DAB2IP: variants seen among roughly 807,000 people sequenced by gnomAD.
DAB2IP encodes the protein disabled homolog 2-interacting protein.
DAB2IP carries 28 observed loss-of-function variants against 107.2 expected under a neutral mutation model. That is an observed-to-expected ratio of 0.26 (90% CI 0.19 to 0.36). DAB2IP has a LOEUF of 0.36. Ranked by LOEUF, DAB2IP falls within the 10% of genes least tolerant of loss-of-function variation. The probability of loss-of-function intolerance (pLI) is 1.00; values close to 1 mark genes in which losing one functional copy is unlikely to be tolerated. For missense variants in DAB2IP, 1,400 were observed against 1,644.7 expected, an observed-to-expected ratio of 0.85 and a Z score of 2.57; for synonymous variants, 755 against 706.4, an observed-to-expected ratio of 1.07 and a Z score of -1.09.
At chr9:121,783,363 G>A in exon 16 of DAB2IP, 1 of 1,496,376 alleles carries the variant, frequency 6.7e-7, no homozygotes, top group South Asian at 1.3e-5. Context: ...CACTGTATCT[G>A]CCTTCTCCTG....
intron 1 of DAB2IP, among the ~76,000 whole-genome samples, chr9:121,580,725 C>T (rs960847036): frequency 6.6e-6 from 1 of 152,074 alleles, no homozygotes; most frequent in Non-Finnish European, 1.5e-5. Flanking sequence ...CTCAGGTTCA[C>T]GCCATTCTCC....
In DAB2IP at chr9:121,719,947, G is replaced by A. The variant is rs112348712; in HGVS notation, c.362+20489G>A. ...CAGGTGTGGGGGCCACTAAGAGAGT[G>A]TATGGCCCACAAGGTTCATTGTTAG... On this transcript the variant is annotated intron_variant, in intron 3 of 15. Transcript: ENST00000408936. Among the ~76,000 whole-genome samples, 446 of 152,342 alleles carry A rather than the reference G, an allele frequency of 2.9e-3. 1 individual carries two copies. Among genetic ancestry groups the A allele is most frequent in the Non-Finnish European group, 4.9e-3 (330 of 68,032 alleles).
intron 6 of DAB2IP, among the ~76,000 whole-genome samples, chr9:121,761,488 C>T (rs1263702616): frequency 6.6e-6 from 1 of 152,206 alleles, no homozygotes; most frequent in Non-Finnish European, 1.5e-5. Context: ...GTCCAGGGCA[C>T]AAGACTCGTG....
intron 14 of DAB2IP, among the ~76,000 whole-genome samples, chr9:121,780,697 G>C (rs973467708): frequency 6.6e-6 from 1 of 152,218 alleles, no homozygotes; most frequent in South Asian, 2.1e-4. Flanking sequence ...GGGAAGGTGG[G>C]AGTGCCCAGC....
At chr9:121,580,108 A>G (rs769614522) in intron 1 of DAB2IP, among the ~76,000 whole-genome samples, 5 of 152,082 alleles carry the variant, frequency 3.3e-5, no homozygotes, top group Non-Finnish European at 5.9e-5. Flanking sequence ...CCCCTGCCCC[A>G]CCAGGTGACT....
At chr9:121,636,189 T>A (rs1342274689) in intron 1 of DAB2IP, among the ~76,000 whole-genome samples, 3 of 152,094 alleles carry the variant, frequency 2.0e-5, no homozygotes, top group Non-Finnish European at 4.4e-5. Flanking sequence ...ATTACAGGCG[T>A]GAGCCACGGT....
chr9:121,618,076 G>A (rs1029118536), intron 1 of DAB2IP, among the ~76,000 whole-genome samples: 1 of 152,142 alleles, frequency 6.6e-6, no homozygotes, highest in African/African-American at 2.4e-5. Flanking sequence ...CAAGACAGAA[G>A]GCCCCCCTCA....
intron 1 of DAB2IP, among the ~76,000 whole-genome samples, chr9:121,592,784 C>T (rs1173153344): frequency 1.3e-5 from 2 of 152,154 alleles, no homozygotes; most frequent in Non-Finnish European, 2.9e-5. Flanking sequence ...AGACACATCC[C>T]TTGGGGAAGG....
At chr9:121,610,933 G>A (rs939581270) in intron 1 of DAB2IP, among the ~76,000 whole-genome samples, 6 of 152,062 alleles carry the variant, frequency 3.9e-5, no homozygotes, top group Admixed American at 3.9e-4. Context: ...GCAGGGGCTC[G>A]CTAAGGGATT....
At chr9:121,676,062 A>C (rs1187173988) in intron 1 of DAB2IP, among the ~76,000 whole-genome samples, 1 of 152,236 alleles carries the variant, frequency 6.6e-6, no homozygotes, top group Non-Finnish European at 1.5e-5. Context: ...CCATGTGGGA[A>C]GGGAGCTTTT....
chr9:121,782,487 A>C lies in DAB2IP; in HGVS notation c.3559A>C (p.Ser1187Arg). The C allele has an allele frequency of 6.2e-7, 1 of 1,613,980 alleles. No individual in the cohort carries two copies. Among genetic ancestry groups the C allele is most frequent in the Non-Finnish European group, 8.5e-7 (1 of 1,179,888 alleles). ...TGAGAACGGCGAGTTCAGAAACAGC[A>C]GCAATTGTTAACCTGCCTGAGGAGG... is the stretch of plus-strand genomic sequence containing the variant. Residue 1187 changes from serine (S) to arginine (R), a missense_variant, in exon 16 of 16, where the codon AGC becomes CGC. By Grantham distance (110) the Ser-to-Arg change is moderately radical. Around this residue, in one of 3 missense-constraint regions of DAB2IP, gnomAD observed 600 missense variants for 659.1 expected, o/e 0.91. Coordinates refer to ENST00000408936, the Ensembl canonical transcript of DAB2IP. The surrounding 1 kb of genome is among the most constrained non-coding windows in gnomAD (Gnocchi z 6.1).
rs759044747 is a variant in DAB2IP, at chr9:121,635,771, C to T, written c.41-42907C>T. Among the ~76,000 whole-genome samples, 8 of 152,224 alleles carry T rather than the reference C, an allele frequency of 5.3e-5. No homozygotes were observed. Among genetic ancestry groups the T allele is most frequent in the Non-Finnish European group, 1.0e-4 (7 of 68,046 alleles). On this transcript the variant is annotated intron_variant, in intron 1 of 16. Coordinates refer to the DAB2IP transcript ENST00000259371. This position sits in a 1 kb window ranked among gnomAD's most constrained non-coding sequence, Gnocchi z 4.3. ...GGGAGCGGGTTTTGGCCCAGCCCCA[C>T]GCAGAGCCTTAAAGACGCAGCCATG...
At chr9:121,761,074 AC>A (rs574658971) in intron 6 of DAB2IP, among the ~76,000 whole-genome samples, 97 of 151,922 alleles carry the variant, frequency 6.4e-4, no homozygotes, top group Admixed American at 9.2e-4. Context: ...CATCTCCATG[AC>A]CCCTTTCACC....
At chr9:121,757,108 A>C in exon 4 of DAB2IP, 1 of 1,614,088 alleles carries the variant, frequency 6.2e-7, no homozygotes, top group South Asian at 1.1e-5. Flanking sequence ...AGCATGGAGG[A>C]AGAGGTGGTC....
chr9:121,681,848 T>C (rs1828619455), intron 2 of DAB2IP, among the ~76,000 whole-genome samples: 1 of 152,156 alleles, frequency 6.6e-6, no homozygotes, highest in Non-Finnish European at 1.5e-5. Context: ...CCACTGAGCC[T>C]CTCCGAGCCT....
Position 121,585,859 on chromosome 9 carries a change from T to A in DAB2IP, c.40+18631T>A, listed in dbSNP as rs868108363. On this transcript the variant is annotated intron_variant, in intron 1 of 16. Transcript: ENST00000259371. ...AGGGTTAGGGATTTAAAAAAAAAAATAGAATGGGTTAATGAATGAATGTAA... is the reference window on the plus strand; with the variant it reads ...AGGGTTAGGGATTTAAAAAAAAAAAAAGAATGGGTTAATGAATGAATGTAA... Among the ~76,000 whole-genome samples, 1,263 of 131,468 alleles carry A rather than the reference T, an allele frequency of 9.6e-3. 25 individuals are homozygous for A. The highest frequency in any genetic ancestry group is 0.035 in the African/African-American group (1,200 of 34,720). 86.2% of individuals were successfully genotyped at this position (131,468 alleles called of 152,430 possible).
Position 121,740,132 on chromosome 9 carries a change from C to A in DAB2IP, c.363-16881C>A, listed in dbSNP as rs79514747. 4.8e-3 allele frequency among the ~76,000 whole-genome samples: 728 copies of A among 152,182 alleles called. 7 individuals carry two copies. Among genetic ancestry groups the A allele is most frequent in the African/African-American group, 0.017 (695 of 41,488 alleles). ...AAGAAGTGCGTGAGGACCCAGCTGG[C>A]CCAGGATGTTGAGGAGGGGAGGGCC... On this transcript the variant is annotated intron_variant, in intron 3 of 15. Coordinates refer to ENST00000408936, the Ensembl canonical transcript of DAB2IP.
chr9:121,582,502 A>G (rs1178843024), intron 1 of DAB2IP, among the ~76,000 whole-genome samples: 2 of 151,876 alleles, frequency 1.3e-5, no homozygotes, highest in African/African-American at 4.8e-5. Context: ...TCTACATTGC[A>G]GGTCTGGCCC....
At chr9:121,579,694 T>C (rs946147390) in intron 1 of DAB2IP, among the ~76,000 whole-genome samples, 1 of 152,186 alleles carries the variant, frequency 6.6e-6, no homozygotes, top group Admixed American at 6.5e-5. Flanking sequence ...TCCATCGATC[T>C]GTCAGTCCAC....
Sources: allele counts gnomAD v4.1 joint callset (sites outside exome capture counted in the v4.1 genomes callset), GRCh38; gene constraint gnomAD v4.1.1; regional missense constraint gnomAD v4.1.1; non-coding constraint Gnocchi (gnomAD v3.1); transcripts MANE v1.5; gene names NCBI Gene and HGNC (gene_info 2026-07-23, HGNC 2026-07-21).